Variants in MGAM observed in about 807,000 individuals in gnomAD.
MGAM encodes alpha-1,4-glucosidase.
In MGAM, 253 loss-of-function variants were observed where a neutral mutation model predicts 358.8. That is an observed-to-expected ratio of 0.71 (90% CI 0.64 to 0.78). The LOEUF (loss-of-function observed/expected upper bound fraction) is 0.78. MGAM is among the 30% of genes least tolerant of loss of function. The pLI is 0.00. For synonymous variants in MGAM, 1,105 were observed against 1,227.1 expected, an observed-to-expected ratio of 0.90 and a Z score of 2.08; for missense variants, 3,080 against 3,432.6, an observed-to-expected ratio of 0.90 and a Z score of 2.57.
rs1456198957 is a variant in MGAM, at chr7:142,078,944, C to T, written c.5783C>T (p.Ser1928Phe). Reference protein sequence around the residue: ...KSSVHANAFPSTPVNPLRLDV... With the variant: ...KSSVHANAFPFTPVNPLRLDV... The stretch of plus-strand genomic sequence containing the variant: ...TCTGTTCATGCCAATGCCTTCCCTT[C>T]CACACCCGTGAACCCCCTTCGCCTG... Residue 1928 changes from serine (S) to phenylalanine (F), a missense_variant, in exon 49 of 71, where the codon TCC becomes TTC. Ser to Phe is a radical substitution (Grantham distance 155). Around this residue, in one of 5 missense-constraint regions of MGAM, gnomAD observed 932 missense variants for 1,198.2 expected, o/e 0.78. Transcript: ENST00000475668. 2.6e-6 allele frequency: 4 copies of T among 1,556,102 alleles called. 1 individual carries two copies. Among genetic ancestry groups the T allele is most frequent in the Non-Finnish European group, 3.5e-6 (4 of 1,132,482 alleles).
Position 142,099,714 on chromosome 7 carries a change from G to T in MGAM, c.7851G>T (p.Glu2617Asp), listed in dbSNP as rs1816281343. ...GGGGCTACATCCTGCCCTGGCAAGA[G>T]CCTGCACTGAACACCCACTTAAGGT... The part of the protein sequence containing the change: ...VRGGYILPWQ[E>D]PALNTHLSRQ... The change falls in exon 67 of 71, where the codon GAG becomes GAT. Residue 2617 changes from glutamate to aspartate, a missense_variant. Around this residue, in one of 5 missense-constraint regions of MGAM, gnomAD observed 194 missense variants for 172.8 expected, o/e 1.12. Coordinates refer to ENST00000475668, the MANE Select transcript of MGAM (RefSeq NM_001365693.1). 6.2e-7 allele frequency: 1 copy of T among 1,613,988 alleles called. No homozygotes were observed. The highest frequency in any genetic ancestry group is 8.5e-7 in the Non-Finnish European group (1 of 1,179,876).
intron 1 of MGAM, among the ~76,000 whole-genome samples, chr7:142,002,634 G>A (rs1554451042): frequency 1.3e-5 from 2 of 151,998 alleles, no homozygotes; most frequent in Non-Finnish European, 1.5e-5. Context: ...ACAGGGAAAA[G>A]TTCAGTACGA....
Position 142,094,821 on chromosome 7 carries a change from C to A in MGAM, c.7416C>A (p.Ala2472=), listed in dbSNP as rs1815747602. The change falls in exon 63 of 71, where the codon GCC becomes GCA. Residue 2472 remains alanine (A), a synonymous_variant. Transcript: ENST00000475668. ...GTGTTCGCTGGATGCAGCTGGGGGC[C>A]TTTTACCCCTTCTCAAGAAACCACA... ...EMCVRWMQLG[A]FYPFSRNHNT... 6.8e-6 allele frequency: 11 copies of A among 1,613,800 alleles called. No individual in the cohort carries two copies. The highest frequency in any genetic ancestry group is 1.1e-5 in the South Asian group (1 of 91,074).
At chr7:142,071,222 C>G (rs1229965574) in intron 44 of MGAM, 104 bp downstream of exon 44, 1 of 1,258,342 alleles carries the variant, frequency 7.9e-7, no homozygotes, top group East Asian at 2.6e-5. Flanking sequence ...ACATGCAATT[C>G]TACTCAACAC....
In MGAM at chr7:142,034,844, G is replaced by A. The variant is rs1807842304; in HGVS notation, c.1959+3G>A. The A allele has an allele frequency of 6.2e-7, 1 of 1,610,048 alleles. No homozygotes were observed. The highest frequency in any genetic ancestry group is 1.1e-5 in the South Asian group (1 of 90,736). On this transcript the variant is annotated splice_donor_region_variant and intron_variant, in intron 16 of 70. Coordinates refer to ENST00000475668, the MANE Select transcript of MGAM (RefSeq NM_001365693.1). ...TCAACCTTTTTGGCATCCCAATGGT[G>A]AGCTGCTACCTCAAGCTCTCTTATG...
chr7:141,988,514 G>A (rs1387830338), intron 2 of MGAM, among the ~76,000 whole-genome samples: 3 of 151,934 alleles, frequency 2.0e-5, no homozygotes, highest in Non-Finnish European at 4.4e-5. Context: ...ACAGGCGCCC[G>A]CCACCATGCC....
chr7:142,100,633 G>C (rs898498737), intron 67 of MGAM, among the ~76,000 whole-genome samples, 169 bp from the exon 68 acceptor site: 1 of 152,144 alleles, frequency 6.6e-6, no homozygotes, highest in Non-Finnish European at 1.5e-5. Flanking sequence ...TGAAGTCATA[G>C]AGCCAGACAG....
chr7:142,055,984 T>A lies in MGAM; in HGVS notation c.3484-16T>A. The A allele has an allele frequency of 6.2e-7, 1 of 1,602,670 alleles. No homozygotes were observed. The highest frequency in any genetic ancestry group is 8.5e-7 in the Non-Finnish European group (1 of 1,173,282). On this transcript the variant is annotated splice_polypyrimidine_tract_variant and intron_variant, in intron 28 of 70. Coordinates refer to ENST00000475668, the MANE Select transcript of MGAM (RefSeq NM_001365693.1). Reference sequence around the variant, plus strand: ...TGTCTTTTAAACTCCTACTGCTTCTTCCCATGACTCCCCAGTACAAGAAGA... The same window carrying A: ...TGTCTTTTAAACTCCTACTGCTTCTACCCATGACTCCCCAGTACAAGAAGA...
intron 52 of MGAM, 62 bp downstream of exon 52, chr7:142,082,633 G>C (rs570119959): frequency 2.4e-6 from 3 of 1,270,396 alleles, no homozygotes; most frequent in Non-Finnish European, 3.3e-6. Flanking sequence ...AGTCAGTTTA[G>C]AATGTGTTTA....
chr7:142,033,040 A>G (rs908286236), intron 14 of MGAM, 131 bp downstream of exon 14: 1 of 558,572 alleles, frequency 1.8e-6, no homozygotes, highest in Non-Finnish European at 3.1e-6. Context: ...TATGTGGGTA[A>G]TATATAAGGA....
chr7:142,012,346 C>T (rs1482191601), intron 3 of MGAM, among the ~76,000 whole-genome samples: 4 of 152,138 alleles, frequency 2.6e-5, no homozygotes, highest in Non-Finnish European at 4.4e-5. Context: ...TGCATCCTCA[C>T]ATGGCAGCAC....
intron 68 of MGAM, among the ~76,000 whole-genome samples, chr7:142,101,617 C>T (rs1816447876): frequency 6.6e-6 from 1 of 151,604 alleles, no homozygotes; most frequent in Non-Finnish European, 1.5e-5. Flanking sequence ...TAGAAAAGGG[C>T]CAGCACAGTC....
chr7:142,101,494 T>C (rs1816440024), intron 68 of MGAM, among the ~76,000 whole-genome samples: 1 of 151,590 alleles, frequency 6.6e-6, no homozygotes, highest in African/African-American at 2.4e-5. Flanking sequence ...TTTAATTTTA[T>C]TCAATCTTAA....
intron 59 of MGAM, 149 bp downstream of exon 59, chr7:142,092,757 A>G: frequency 5.0e-6 from 4 of 794,914 alleles, no homozygotes; most frequent in Non-Finnish European, 5.8e-6. Flanking sequence ...AAAGCTCTGC[A>G]CGCGCTTTAC....
At chr7:142,012,462 AAT>A in intron 3 of MGAM, among the ~76,000 whole-genome samples, 1 of 152,124 alleles carries the variant, frequency 6.6e-6, no homozygotes, top group East Asian at 1.9e-4. Context: ...CCCCACTGTT[AAT>A]ACTAACATAC....
intron 21 of MGAM, among the ~76,000 whole-genome samples, chr7:142,045,432 A>G (rs1167735172): frequency 9.0e-6 from 1 of 111,332 alleles, no homozygotes. Context: ...ATAATACATG[A>G]TATATTATAT....
intron 34 of MGAM, among the ~76,000 whole-genome samples, chr7:142,061,359 G>A (rs967209529): frequency 4.6e-5 from 7 of 152,042 alleles, no homozygotes; most frequent in African/African-American, 1.7e-4. Context: ...TCTGGTGAAA[G>A]GTTCTCTTTG....
At chr7:142,037,682 A>G (rs1231227188) in intron 18 of MGAM, among the ~76,000 whole-genome samples, 5 of 152,202 alleles carry the variant, frequency 3.3e-5, no homozygotes, top group African/African-American at 1.2e-4. Context: ...ATTATCTGAT[A>G]TTTTGTATGA....
In MGAM at chr7:142,067,088, G is replaced by T. The variant is rs138197310; in HGVS notation, c.4920-253G>T. ...AGGGCCATCCTCACATTTAAAATGT[G>T]CCATGGTTAAGAAATGAGGTAATAT... is the stretch of plus-strand genomic sequence containing the variant. On this transcript the variant is annotated intron_variant, in intron 41 of 70. Coordinates refer to ENST00000475668, the MANE Select transcript of MGAM (RefSeq NM_001365693.1). Among the ~76,000 whole-genome samples the T allele has an allele frequency of 4.1e-3, 598 of 146,042 alleles. 88 individuals carry two copies. Among genetic ancestry groups the T allele is most frequent in the Non-Finnish European group, 7.3e-3 (473 of 64,474 alleles).
Sources: gnomAD v4.1 joint callset for allele counts (sites outside exome capture counted in the v4.1 genomes callset) on GRCh38, gnomAD v4.1.1 for gene constraint, gnomAD v4.1.1 regional missense constraint, MANE v1.5 for transcripts, NCBI Gene and HGNC (gene_info 2026-07-23, HGNC 2026-07-21) for gene names.